Variants in EFEMP1 observed in about 807,000 individuals in gnomAD.
EFEMP1 encodes EGF-like fibulin extracellular matrix protein 1.
EFEMP1 carries 18 observed loss-of-function variants against 65.7 expected under a neutral mutation model. The ratio of observed to expected loss-of-function variants is 0.27; its 90% CI spans 0.19 to 0.41. The LOEUF is 0.41. Among genes scored for constraint, EFEMP1 ranks in the 10% least tolerant of loss-of-function variants. EFEMP1 has a pLI of 1.00. For missense variants in EFEMP1, 469 were observed against 624.8 expected (o/e 0.75, Z 2.66); for synonymous variants, 237 against 219.7 (o/e 1.08, Z -0.70).
At chr2:55,891,785 T>G (rs375395867) in intron 5 of EFEMP1, among the ~76,000 whole-genome samples, 1 of 152,134 alleles carries the variant, frequency 6.6e-6, no homozygotes, top group Non-Finnish European at 1.5e-5. Context: ...GTCTTCATCA[T>G]GTTAAGGCAT....
intron 5 of EFEMP1, among the ~76,000 whole-genome samples, chr2:55,892,836 G>A (rs1669682182): frequency 6.6e-6 from 1 of 151,992 alleles, no homozygotes; most frequent in African/African-American, 2.4e-5. Context: ...ATAAACGGAT[G>A]AAAAAAACCA....
At chr2:55,906,885 A>T (rs1365831774) in intron 5 of EFEMP1, among the ~76,000 whole-genome samples, 1 of 152,246 alleles carries the variant, frequency 6.6e-6, no homozygotes, top group African/African-American at 2.4e-5. Flanking sequence ...GGTCAGGATG[A>T]AATCCAGGCA....
chr2:55,906,444 G>A (rs1374392068), intron 5 of EFEMP1, among the ~76,000 whole-genome samples: 2 of 151,966 alleles, frequency 1.3e-5, no homozygotes, highest in Non-Finnish European at 2.9e-5. Flanking sequence ...GGCTAGTCTC[G>A]AACTCCTGAC....
intron 7 of EFEMP1, 47 bp from the exon 8 acceptor site, chr2:55,876,789 C>G: frequency 8.8e-7 from 1 of 1,141,106 alleles, no homozygotes; most frequent in African/African-American, 1.6e-5. Flanking sequence ...TATATATATA[C>G]ACACACATAT....
At chr2:55,898,155 G>C (rs1460579592) in intron 5 of EFEMP1, among the ~76,000 whole-genome samples, 1 of 152,182 alleles carries the variant, frequency 6.6e-6, no homozygotes, top group African/African-American at 2.4e-5. Flanking sequence ...TTGTTCAGTA[G>C]ACCATTGAAG....
chr2:55,904,966 C>CTTTTTTTTTTTCTTTT (rs1670187489), intron 5 of EFEMP1, among the ~76,000 whole-genome samples: 5 of 70,558 alleles, frequency 7.1e-5, no homozygotes, highest in Non-Finnish European at 1.2e-4. Flanking sequence ...GGGATAGTGG[C>CTTTTTTTTTTTCTTTT]TTTTTTTTTT....
In EFEMP1 at chr2:55,922,739, C is replaced by A; in HGVS notation, c.-8+160G>T. The A allele has an allele frequency of 4.1e-6, 2 of 492,014 alleles. No individual in the cohort carries two copies. The highest frequency in any genetic ancestry group is 2.1e-5 in the South Asian group (1 of 46,796). The allele number at this position is 492,014 out of a possible 1,614,324, so 30.5% of individuals were successfully genotyped here. A position where few individuals can be genotyped will look rare whatever the true frequency, so the allele number is the denominator to read the frequency against. On this transcript the variant is annotated intron_variant, in intron 2 of 11. Transcript: ENST00000355426. The surrounding 1 kb of genome is among the most constrained non-coding windows in gnomAD (Gnocchi z 5.5). The stretch of plus-strand genomic sequence containing the variant: ...CAGCGTGCATTTTATACTGCACCTA[C>A]AAAGCAGGCTGCAGAAAGAGGGGGT...
chr2:55,894,599 T>A (rs1319055041), intron 5 of EFEMP1, among the ~76,000 whole-genome samples: 1 of 152,218 alleles, frequency 6.6e-6, no homozygotes, highest in Non-Finnish European at 1.5e-5. Flanking sequence ...GAGTTTAATT[T>A]TGGGCCAATA....
chr2:55,882,371 T>C (rs1055963100), intron 5 of EFEMP1, among the ~76,000 whole-genome samples: 7 of 152,222 alleles, frequency 4.6e-5, no homozygotes, highest in African/African-American at 1.4e-4. Context: ...TTTGATCATA[T>C]TCCTCTAGCC....
At chr2:55,902,242 G>A (rs555582252) in intron 5 of EFEMP1, among the ~76,000 whole-genome samples, 2 of 152,342 alleles carry the variant, frequency 1.3e-5, no homozygotes, top group South Asian at 2.1e-4. Context: ...AAAATAATAC[G>A]TAAACTCAGG....
intron 5 of EFEMP1, among the ~76,000 whole-genome samples, chr2:55,906,486 A>G (rs931411875): frequency 3.9e-5 from 6 of 152,152 alleles, no homozygotes; most frequent in Non-Finnish European, 8.8e-5. Flanking sequence ...GGCCTCCCAA[A>G]GTGCTGGGAT....
chr2:55,921,909 C>T lies in EFEMP1; in HGVS notation c.81+451G>A, dbSNP rs1490058323. 5.3e-6 allele frequency: 1 copy of T among 188,972 alleles called. No homozygotes were observed. Among genetic ancestry groups the T allele is most frequent in the Non-Finnish European group, 1.1e-5 (1 of 88,904 alleles). The allele number at this position is 188,972 out of a possible 1,614,324, so 11.7% of individuals were successfully genotyped here. On this transcript the variant is annotated intron_variant, in intron 3 of 11. Coordinates refer to ENST00000355426, the MANE Select transcript of EFEMP1 (RefSeq NM_001039348.3). The surrounding 1 kb of genome is among the most constrained non-coding windows in gnomAD (Gnocchi z 4.1). ...TTATAAATTCAATAAAGGCCACTTA[C>T]TTGAGAATGCATGTCATGTACACAA... is the stretch of plus-strand genomic sequence containing the variant.
rs1398875601 is a variant in EFEMP1 at position 55,871,245 on chromosome 2, A to T, written c.1001-122T>A. ...TGTGAGAGCATCTGGACTGTGTTCAACCTGCTTTTAGACACAAGACTGGGT... is the reference window on the plus strand; with the variant it reads ...TGTGAGAGCATCTGGACTGTGTTCATCCTGCTTTTAGACACAAGACTGGGT... On this transcript the variant is annotated intron_variant, in intron 9 of 11. Coordinates refer to ENST00000355426, the MANE Select transcript of EFEMP1 (RefSeq NM_001039348.3). The surrounding 1 kb of genome is among the most constrained non-coding windows in gnomAD (Gnocchi z 4.2). 7.2e-7 allele frequency: 1 copy of T among 1,380,126 alleles called. No homozygotes were observed. The highest frequency in any genetic ancestry group is 1.4e-5 in the African/African-American group (1 of 70,196). The allele number at this position is 1,380,126 out of a possible 1,614,324, so 85.5% of individuals were successfully genotyped here.
At chr2:55,881,573 C>G in intron 6 of EFEMP1, 39 bp downstream of exon 6, 1 of 1,612,160 alleles carries the variant, frequency 6.2e-7, no homozygotes, top group South Asian at 1.1e-5. Flanking sequence ...AGTTAAGGTA[C>G]TCAAGACAGG....
rs1669383946 is a variant in EFEMP1, at chr2:55,885,279, CCA to C, written c.518-3547_518-3546del. On this transcript the variant is annotated intron_variant, in intron 5 of 11. Transcript: ENST00000355426. The surrounding 1 kb of genome is among the most constrained non-coding windows in gnomAD (Gnocchi z 4.3). ...AATGCTGATAAGACAAAACTGGTTT[CCA>C]TGAGAAGAATGGCAGACAGATGGCG... is the stretch of plus-strand genomic sequence containing the variant. Among the ~76,000 whole-genome samples, 1 of 152,196 alleles carries C rather than the reference CCA, an allele frequency of 6.6e-6. No homozygotes were observed. Among genetic ancestry groups the C allele is most frequent in the African/African-American group, 2.4e-5 (1 of 41,456 alleles).
intron 5 of EFEMP1, among the ~76,000 whole-genome samples, chr2:55,907,815 A>G (rs949994682): frequency 4.6e-5 from 7 of 152,230 alleles, no homozygotes; most frequent in Non-Finnish European, 1.0e-4. Context: ...GCAACACACA[A>G]GGCTGTTTAG....
intron 5 of EFEMP1, among the ~76,000 whole-genome samples, chr2:55,891,024 G>A (rs1669610442): frequency 6.6e-6 from 1 of 151,974 alleles, no homozygotes; most frequent in African/African-American, 2.4e-5. Flanking sequence ...TGTCACTGGG[G>A]GTTGTTGTAC....
At chr2:55,878,058 A>G (rs572728094) in intron 6 of EFEMP1, among the ~76,000 whole-genome samples, 193 bp from the exon 7 acceptor site, 6 of 152,330 alleles carry the variant, frequency 3.9e-5, no homozygotes, top group Admixed American at 1.3e-4. Flanking sequence ...CAAAGACTCA[A>G]TGTTCATGCC....
Position 55,870,631 on chromosome 2 carries a change from A to T in EFEMP1, c.1320+89T>A. The T allele has an allele frequency of 6.6e-7, 1 of 1,522,928 alleles. No individual in the cohort carries two copies. Among genetic ancestry groups the T allele is most frequent in the East Asian group, 2.3e-5 (1 of 44,284 alleles). 94.3% of individuals were successfully genotyped at this position (1,522,928 alleles called of 1,614,324 possible). A position where few individuals can be genotyped will look rare whatever the true frequency, so the allele number is the denominator to read the frequency against. ...CTTTAAATGTTTGCTTTCCTTCCAC[A>T]TGTGGATACCACACAACAACAACAA... On this transcript the variant is annotated intron_variant, in intron 11 of 11. Transcript: ENST00000355426. This position sits in a 1 kb window ranked among gnomAD's most constrained non-coding sequence, Gnocchi z 5.8.
Sources: allele counts gnomAD v4.1 joint callset (sites outside exome capture counted in the v4.1 genomes callset), GRCh38; gene constraint gnomAD v4.1.1; non-coding constraint Gnocchi (gnomAD v3.1); transcripts MANE v1.5; gene names NCBI Gene and HGNC (gene_info 2026-07-23, HGNC 2026-07-21).